DACH1: variants seen among roughly 807,000 people sequenced by gnomAD.
The protein encoded by DACH1 is dachshund homolog 1.
In DACH1, 12 loss-of-function variants were observed where a neutral mutation model predicts 54.2. That is an observed-to-expected ratio of 0.22 (90% CI 0.14 to 0.36). The LOEUF (loss-of-function observed/expected upper bound fraction) is 0.36, where lower values mean the gene tolerates loss of function less well. DACH1 is among the 10% of genes least tolerant of loss of function. DACH1 has a pLI of 1.00. For synonymous variants in DACH1, 386 were observed against 366.2 expected (o/e 1.05, Z -0.62); for missense variants, 805 against 929.8 (o/e 0.87, Z 1.75).
At chr13:71,693,273 T>C (rs1008046988) in intron 1 of DACH1, among the ~76,000 whole-genome samples, 3 of 149,994 alleles carry the variant, frequency 2.0e-5, no homozygotes, top group Admixed American at 6.7e-5. Flanking sequence ...GGTATGATAA[T>C]ACCCTCTTAT....
chr13:71,748,887 T>TC (rs1491323736), intron 1 of DACH1, among the ~76,000 whole-genome samples: 2 of 17,834 alleles, frequency 1.1e-4, no homozygotes, highest in Non-Finnish European at 2.5e-4. Flanking sequence ...TCTTTCTTTC[T>TC]TTCTTTCTTT....
At chr13:71,705,642 A>G (rs74907736) in intron 1 of DACH1, among the ~76,000 whole-genome samples, 2,996 of 152,304 alleles carry the variant, frequency 0.02, 78 homozygotes, top group African/African-American at 0.056. Context: ...TTAGCTACCA[A>G]AGAAACTCCT....
At chr13:71,749,707 G>A (rs1433945055) in intron 1 of DACH1, among the ~76,000 whole-genome samples, 1 of 152,146 alleles carries the variant, frequency 6.6e-6, no homozygotes, top group African/African-American at 2.4e-5. Context: ...ATATTGTAGA[G>A]AGGAACAACA....
chr13:71,748,879 TTTCTTTCTTTC>T (rs1566476685), intron 1 of DACH1, among the ~76,000 whole-genome samples: 1 of 25,912 alleles, frequency 3.9e-5, no homozygotes, highest in Non-Finnish European at 1.1e-4. Flanking sequence ...TCTTTCTTTC[TTTCTTTCTTTC>T]TTTCTTTCTC....
chr13:71,607,536 A>G (rs1187872591), intron 3 of DACH1, among the ~76,000 whole-genome samples: 1 of 152,044 alleles, frequency 6.6e-6, no homozygotes, highest in Admixed American at 6.6e-5. Context: ...GTGTACCTCT[A>G]ATCATCAGCA....
At position 71,467,757 on chromosome 13, in the gene DACH1, T is replaced by C. The variant is rs190737486; in HGVS notation, c.2083+7384A>G. On this transcript the variant is annotated intron_variant, in intron 10 of 10. Transcript: ENST00000613252. ...CAGTGACATCTTAAATTGATTAGCT[T>C]TATAGAAATGCTGCCAAACACCAGA... Among the ~76,000 whole-genome samples the C allele has an allele frequency of 4.4e-3, 667 of 152,232 alleles. 4 individuals carry two copies. The highest frequency in any genetic ancestry group is 0.015 in the African/African-American group (639 of 41,570).
intron 3 of DACH1, among the ~76,000 whole-genome samples, chr13:71,598,709 T>C (rs1282255430): frequency 6.6e-6 from 1 of 152,174 alleles, no homozygotes; most frequent in African/African-American, 2.4e-5. Context: ...CACTCTGTAT[T>C]CGAAAATTTA....
intron 1 of DACH1, among the ~76,000 whole-genome samples, chr13:71,838,004 T>G (rs1483864341): frequency 5.6e-5 from 3 of 54,052 alleles, no homozygotes; most frequent in Non-Finnish European, 9.3e-5. Context: ...GGGACTGTGG[T>G]GGGGAGGGGG....
intron 1 of DACH1, among the ~76,000 whole-genome samples, chr13:71,834,418 C>A (rs1467556825): frequency 6.6e-6 from 1 of 151,858 alleles, no homozygotes; most frequent in Non-Finnish European, 1.5e-5. Flanking sequence ...ATAACACGCC[C>A]GTGAAGTAAG....
chr13:71,730,975 T>C (rs1375632149), intron 1 of DACH1, among the ~76,000 whole-genome samples: 1 of 152,156 alleles, frequency 6.6e-6, no homozygotes, highest in Admixed American at 6.5e-5. Context: ...ATATTTTAAT[T>C]TATATTTTTT....
At chr13:71,581,560 A>T (rs1872854962) in intron 3 of DACH1, among the ~76,000 whole-genome samples, 1 of 152,186 alleles carries the variant, frequency 6.6e-6, no homozygotes, top group African/African-American at 2.4e-5. Flanking sequence ...AGCCCTAATT[A>T]TTATTCTTAA....
intron 3 of DACH1, among the ~76,000 whole-genome samples, chr13:71,617,632 C>T (rs1316860817): frequency 6.6e-6 from 1 of 152,132 alleles, no homozygotes; most frequent in African/African-American, 2.4e-5. Context: ...AAACCAAAGA[C>T]CCGGAAGAAT....
intron 6 of DACH1, among the ~76,000 whole-genome samples, chr13:71,542,015 A>G (rs1883163674): frequency 6.6e-6 from 1 of 150,996 alleles, no homozygotes; most frequent in Non-Finnish European, 1.5e-5. Flanking sequence ...TGAGAAGCCA[A>G]GACAGGCAGA....
chr13:71,615,042 A>G lies in DACH1; in HGVS notation c.1126+15514T>C, dbSNP rs1222180028. On this transcript the variant is annotated intron_variant, in intron 3 of 10. Transcript: ENST00000613252. ...CATAAAAGTAAATGTAAAAATTTCC[A>G]TATTTATATCCCAGGAAATAATCAA... Among the ~76,000 whole-genome samples, 4 of 152,148 alleles carry G rather than the reference A, an allele frequency of 2.6e-5. No homozygotes were observed. The East Asian group carries it at 5.8e-4, about 22-fold the overall frequency.
At chr13:71,464,665 T>G (rs1397595025) in intron 10 of DACH1, 1 of 450,116 alleles carries the variant, frequency 2.2e-6, no homozygotes, top group African/African-American at 2.0e-5. Context: ...TACTGCTTTT[T>G]TTGCTTCAGT....
intron 1 of DACH1, among the ~76,000 whole-genome samples, chr13:71,698,512 T>A (rs1881945968): frequency 6.6e-6 from 1 of 151,884 alleles, no homozygotes; most frequent in African/African-American, 2.4e-5. Flanking sequence ...ATCTAAAAAT[T>A]CATTCTGAAG....
At chr13:71,485,579 T>TA (rs1347286565) in intron 7 of DACH1, among the ~76,000 whole-genome samples, 1 of 135,480 alleles carries the variant, frequency 7.4e-6, no homozygotes, top group Admixed American at 7.5e-5. Flanking sequence ...TTTCTTCTTT[T>TA]TTTTTTTTTT....
intron 1 of DACH1, among the ~76,000 whole-genome samples, chr13:71,797,220 T>C (rs1158421777): frequency 3.3e-5 from 5 of 152,148 alleles, no homozygotes; most frequent in Non-Finnish European, 7.4e-5. Context: ...ACACGCACTT[T>C]AGCTTTTGCT....
chr13:71,645,546 A>C (rs986023302), intron 2 of DACH1, among the ~76,000 whole-genome samples: 1 of 152,148 alleles, frequency 6.6e-6, no homozygotes, highest in Non-Finnish European at 1.5e-5. Flanking sequence ...TTGTTCCATT[A>C]ATCAGATTTT....
Sources: allele counts gnomAD v4.1 joint callset (sites outside exome capture counted in the v4.1 genomes callset), GRCh38; gene constraint gnomAD v4.1.1; transcripts MANE v1.5; gene names NCBI Gene and HGNC (gene_info 2026-07-23, HGNC 2026-07-21).